Variants in TRIM34 observed in about 807,000 individuals in gnomAD.
The protein encoded by TRIM34 is tripartite motif containing 34.
A neutral mutation model predicts 38.1 loss-of-function variants in TRIM34; 41 were observed. That is an observed-to-expected ratio of 1.08 (90% CI 0.84 to 1.40). The LOEUF (loss-of-function observed/expected upper bound fraction) is 1.40, where lower values mean the gene tolerates loss of function less well. Among genes scored for constraint, TRIM34 ranks in the 40% most tolerant of loss-of-function variants. The pLI is 0.00. For synonymous variants in TRIM34, 200 were observed against 202.5 expected (o/e 0.99, Z 0.10); for missense variants, 556 against 571.4 (o/e 0.97, Z 0.27).
chr11:5,640,708 C>T (rs1020809443), intron 4 of TRIM34, among the ~76,000 whole-genome samples: 7 of 152,208 alleles, frequency 4.6e-5, no homozygotes, highest in African/African-American at 1.7e-4. Flanking sequence ...TTTGAAATAA[C>T]TTATGAAGTT....
intron 5 of TRIM34, 154 bp downstream of exon 5, chr11:5,641,343 T>C: frequency 6.7e-7 from 1 of 1,503,420 alleles, no homozygotes; most frequent in Non-Finnish European, 8.9e-7. Context: ...CGATGAGTAT[T>C]TGAGTGTTCC....
chr11:5,641,130 T>C (rs1460169366), intron 4 of TRIM34, 37 bp from the exon 5 acceptor site: 5 of 1,610,960 alleles, frequency 3.1e-6, no homozygotes, highest in Non-Finnish European at 4.2e-6. Flanking sequence ...CACCAGTCTT[T>C]ATACACTTTG....
At chr11:5,640,461 C>A (rs891343740) in intron 4 of TRIM34, among the ~76,000 whole-genome samples, 1 of 151,562 alleles carries the variant, frequency 6.6e-6, no homozygotes, top group African/African-American at 2.4e-5. Flanking sequence ...TATGTTGAAC[C>A]AACCTTGCAT....
chr11:5,621,157 T>C (rs1410069698), upstream of TRIM34, among the ~76,000 whole-genome samples: 1 of 152,206 alleles, frequency 6.6e-6, no homozygotes, highest in Admixed American at 6.5e-5. Context: ...AGTCACCCCT[T>C]TATTGCAATG....
intron 6 of TRIM34, 74 bp from the exon 7 acceptor site, chr11:5,642,743 T>C (rs1590189369): frequency 1.3e-6 from 2 of 1,591,726 alleles, no homozygotes; most frequent in East Asian, 4.5e-5. Flanking sequence ...CTGTCCCTAC[T>C]CTAAAGAATA....
In TRIM34 at chr11:5,643,601, C is replaced by G; in HGVS notation, c.1359C>G (p.Gly453=). 1 of 1,613,870 alleles carries G rather than the reference C, an allele frequency of 6.2e-7. No homozygotes were observed. The highest frequency in any genetic ancestry group is 8.5e-7 in the Non-Finnish European group (1 of 1,179,978). Residue 453 remains glycine (G), a synonymous_variant, in exon 8 of 8, where the codon GGC becomes GGG. Coordinates refer to ENST00000429814, the MANE Select transcript of TRIM34 (RefSeq NM_021616.6). ...IVSFFNVTSH[G]SLIYKFSKCC... ...CATTTTTCAATGTCACAAGCCATGG[C>G]TCCCTCATTTACAAGTTCTCTAAAT... is the stretch of plus-strand genomic sequence containing the variant.
Position 5,633,797 on chromosome 11 carries a change from C to T in TRIM34, c.424-7C>T, listed in dbSNP as rs1321910445. 6.2e-7 allele frequency: 1 copy of T among 1,612,724 alleles called. No homozygotes were observed. Among genetic ancestry groups the T allele is most frequent in the Non-Finnish European group, 8.5e-7 (1 of 1,179,510 alleles). ...AGCTTGACTGTAGTGTGATTCCCTT[C>T]TCATAGGAGAAACTCCAGGCAGTCC... On this transcript the variant is annotated splice_polypyrimidine_tract_variant and splice_region_variant and intron_variant, in intron 2 of 7. Coordinates refer to ENST00000429814, the MANE Select transcript of TRIM34 (RefSeq NM_021616.6).
chr11:5,639,542 T>C (rs1189686546), intron 4 of TRIM34, among the ~76,000 whole-genome samples: 1 of 151,454 alleles, frequency 6.6e-6, no homozygotes, highest in Non-Finnish European at 1.5e-5. Context: ...TAGCCGGGCA[T>C]GGTGGCACGT....
chr11:5,625,789 G>T (rs754096289), intron 1 of TRIM34, among the ~76,000 whole-genome samples: 2 of 152,148 alleles, frequency 1.3e-5, no homozygotes, highest in Non-Finnish European at 2.9e-5. Flanking sequence ...TGCTACCAGC[G>T]TCTTCACCTG....
chr11:5,622,923 G>C (rs1039616040), upstream of TRIM34, among the ~76,000 whole-genome samples: 1 of 152,192 alleles, frequency 6.6e-6, no homozygotes, highest in Non-Finnish European at 1.5e-5. Flanking sequence ...ACATTTGAGG[G>C]AGATGTGAGA....
intron 4 of TRIM34, among the ~76,000 whole-genome samples, chr11:5,637,047 C>A (rs1053156255): frequency 6.6e-6 from 1 of 152,170 alleles, no homozygotes; most frequent in African/African-American, 2.4e-5. Flanking sequence ...ATGGCGGCTG[C>A]CTGTAGTCCC....
intron 7 of TRIM34, 104 bp downstream of exon 7, chr11:5,642,947 T>C: frequency 6.7e-7 from 1 of 1,498,840 alleles, no homozygotes; most frequent in South Asian, 1.2e-5. Context: ...TCTCAGCACC[T>C]CCCAAAACAT....
In TRIM34 at chr11:5,642,391, T is replaced by C. The variant is rs777943852; in HGVS notation, c.774-15T>C. The stretch of plus-strand genomic sequence containing the variant: ...ATGAGAGATGTGGGGGTCAAAAAAT[T>C]TTTTTCATCCCTAGGAGTGAGATCT... On this transcript the variant is annotated splice_polypyrimidine_tract_variant and intron_variant, in intron 5 of 7. Coordinates refer to ENST00000429814, the MANE Select transcript of TRIM34 (RefSeq NM_021616.6). 1.2e-6 allele frequency: 2 copies of C among 1,609,776 alleles called. No homozygotes were observed. The highest frequency in any genetic ancestry group is 1.7e-6 in the Non-Finnish European group (2 of 1,178,788).
At position 5,642,511 on chromosome 11, in the gene TRIM34, G is replaced by A; in HGVS notation, c.874+5G>A. Reference sequence around the variant, plus strand: ...GGATGCTGCAAATGTTTAGAGGTGAGGAGAAGCAGACAAAGACTGTGGATG... The same window carrying A: ...GGATGCTGCAAATGTTTAGAGGTGAAGAGAAGCAGACAAAGACTGTGGATG... On this transcript the variant is annotated splice_donor_5th_base_variant and intron_variant, in intron 6 of 7. Coordinates refer to ENST00000429814, the MANE Select transcript of TRIM34 (RefSeq NM_021616.6). 1.2e-6 allele frequency: 2 copies of A among 1,613,440 alleles called. No individual in the cohort carries two copies. Among genetic ancestry groups the A allele is most frequent in the Non-Finnish European group, 8.5e-7 (1 of 1,179,686 alleles).
At chr11:5,627,877 C>A (rs951338936) in intron 1 of TRIM34, among the ~76,000 whole-genome samples, 2 of 152,216 alleles carry the variant, frequency 1.3e-5, no homozygotes, top group African/African-American at 4.8e-5. Context: ...TAGAGACACT[C>A]TAATTTTACT....
intron 5 of TRIM34, among the ~76,000 whole-genome samples, chr11:5,641,882 C>G (rs1015534608): frequency 2.6e-5 from 4 of 152,058 alleles, no homozygotes; most frequent in African/African-American, 9.7e-5. Context: ...TCGTGTTTCC[C>G]AGGAATCTGA....
chr11:5,642,327 A>C, intron 5 of TRIM34, 79 bp from the exon 6 acceptor site: 1 of 1,294,390 alleles, frequency 7.7e-7, no homozygotes, highest in Non-Finnish European at 1.1e-6. Context: ...AGTGATGTGA[A>C]GGAGATGAAA....
At chr11:5,642,920 A>C in intron 7 of TRIM34, 77 bp downstream of exon 7, 1 of 1,585,808 alleles carries the variant, frequency 6.3e-7, no homozygotes, top group Non-Finnish European at 8.6e-7. Flanking sequence ...ATATCTTCTG[A>C]TCTTAGCCTC....
upstream of TRIM34, among the ~76,000 whole-genome samples, chr11:5,622,444 CA>C (rs58936463): frequency 1.5e-3 from 173 of 116,360 alleles, no homozygotes; most frequent in Non-Finnish European, 1.3e-3. Context: ...GACTACCTCT[CA>C]AAAAAAAAAA....
Sources: gnomAD v4.1 joint callset for allele counts (sites outside exome capture counted in the v4.1 genomes callset) on GRCh38, gnomAD v4.1.1 for gene constraint, MANE v1.5 for transcripts, NCBI Gene and HGNC (gene_info 2026-07-23, HGNC 2026-07-21) for gene names.